The following LRRC4C variants were observed in gnomAD, a reference collection of about 807,000 sequenced individuals.
LRRC4C encodes leucine-rich repeat-containing protein 4C.
In LRRC4C, 5 loss-of-function variants were observed where a neutral mutation model predicts 33.6. That is an observed-to-expected ratio of 0.15 (90% CI 0.08 to 0.31). The LOEUF (loss-of-function observed/expected upper bound fraction) is 0.31. Among genes scored for constraint, LRRC4C ranks in the 10% least tolerant of loss-of-function variants. The pLI, the probability that LRRC4C is intolerant of heterozygous loss-of-function variation, is 1.00. For missense variants in LRRC4C, 560 were observed against 796.7 expected (o/e 0.70, Z 3.58); for synonymous variants, 329 against 302.0 (o/e 1.09, Z -0.93).
chr11:40,892,264 T>A (rs1252295235), intron 2 of LRRC4C, among the ~76,000 whole-genome samples: 5 of 152,114 alleles, frequency 3.3e-5, no homozygotes, highest in Non-Finnish European at 5.9e-5. Context: ...ATTGAAGAGA[T>A]TTCTGCATTC....
At chr11:40,569,625 A>C (rs1957901920) in intron 3 of LRRC4C, among the ~76,000 whole-genome samples, 1 of 152,138 alleles carries the variant, frequency 6.6e-6, no homozygotes, top group South Asian at 2.1e-4. Flanking sequence ...ATAAAATGCG[A>C]CTAGCACTGT....
intron 2 of LRRC4C, among the ~76,000 whole-genome samples, chr11:40,681,729 G>A (rs7127189): frequency 0.38 from 58,078 of 151,808 alleles, 13,453 homozygotes; most frequent in East Asian, 0.57. Context: ...GTGAAACCCC[G>A]TCTCTACAAA....
intron 3 of LRRC4C, among the ~76,000 whole-genome samples, chr11:40,555,995 C>T (rs1204528000): frequency 6.6e-6 from 1 of 151,792 alleles, no homozygotes; most frequent in Non-Finnish European, 1.5e-5. Flanking sequence ...CTCATTTTGA[C>T]CCAATAGAAA....
At chr11:40,977,687 C>A (rs192384328) in intron 1 of LRRC4C, among the ~76,000 whole-genome samples, 1 of 152,300 alleles carries the variant, frequency 6.6e-6, no homozygotes, top group Admixed American at 6.5e-5. Context: ...CTGTCCCCTA[C>A]TTCTGCTTTA....
intron 4 of LRRC4C, among the ~76,000 whole-genome samples, chr11:40,301,881 C>A (rs1944790063): frequency 6.6e-6 from 1 of 152,150 alleles, no homozygotes; most frequent in Admixed American, 6.5e-5. Context: ...AAAAATGACT[C>A]TCTAAGGGTT....
intron 1 of LRRC4C, among the ~76,000 whole-genome samples, chr11:41,016,814 T>C (rs1415538954): frequency 6.6e-6 from 1 of 152,194 alleles, no homozygotes; most frequent in Admixed American, 6.5e-5. Flanking sequence ...TTTTGTCCTC[T>C]GAATTGATTT....
intron 2 of LRRC4C, among the ~76,000 whole-genome samples, chr11:40,695,677 A>C (rs1301209159): frequency 2.6e-5 from 4 of 151,986 alleles, no homozygotes; most frequent in Non-Finnish European, 1.5e-5. Flanking sequence ...CTCTTCTAGC[A>C]CCTAGAGGCT....
In LRRC4C at chr11:40,638,458, A is replaced by G. The variant is rs561472376; in HGVS notation, c.-270+9684T>C. 1.8e-3 allele frequency among the ~76,000 whole-genome samples: 281 copies of G among 152,330 alleles called. 5 individuals carry two copies. Among genetic ancestry groups the G allele is most frequent in the African/African-American group, 6.6e-3 (273 of 41,580 alleles). On this transcript the variant is annotated intron_variant, in intron 3 of 6. Coordinates refer to ENST00000528697, the MANE Select transcript of LRRC4C (RefSeq NM_001258419.2). ...CCTTGTGCATAAGTCTCTCTTAGTC[A>G]TAATCTTATTTGCCTCATCTATAAA...
At chr11:40,831,894 TG>T (rs1349694174) in intron 2 of LRRC4C, among the ~76,000 whole-genome samples, 1 of 152,166 alleles carries the variant, frequency 6.6e-6, no homozygotes, top group Non-Finnish European at 1.5e-5. Flanking sequence ...TTATAAGGTC[TG>T]TAATTCAAGA....
At chr11:41,174,399 G>A (rs760571197) in intron 1 of LRRC4C, among the ~76,000 whole-genome samples, 3 of 152,000 alleles carry the variant, frequency 2.0e-5, no homozygotes, top group Non-Finnish European at 4.4e-5. Flanking sequence ...TAAAAATAAT[G>A]TATTATGAAG....
At chr11:40,399,908 A>G (rs1012513171) in intron 3 of LRRC4C, among the ~76,000 whole-genome samples, 3 of 152,124 alleles carry the variant, frequency 2.0e-5, no homozygotes, top group African/African-American at 7.2e-5. Context: ...CACTTCAAAT[A>G]CACAGTTAAC....
intron 1 of LRRC4C, among the ~76,000 whole-genome samples, chr11:41,176,847 C>T (rs1176356679): frequency 6.6e-6 from 1 of 152,006 alleles, no homozygotes; most frequent in African/African-American, 2.4e-5. Flanking sequence ...CACCTGTAGT[C>T]CTAGCTACTG....
chr11:40,334,817 C>T (rs1392195049), intron 3 of LRRC4C, among the ~76,000 whole-genome samples: 3 of 152,138 alleles, frequency 2.0e-5, no homozygotes, highest in Admixed American at 6.6e-5. Flanking sequence ...TCTTCCCTCA[C>T]TCCTGCGCTA....
chr11:41,336,240 TC>T (rs1420086090), intron 1 of LRRC4C, among the ~76,000 whole-genome samples: 20 of 151,920 alleles, frequency 1.3e-4, no homozygotes, highest in African/African-American at 4.6e-4. Context: ...TTATAGACTT[TC>T]CTTTTTTTTT....
At chr11:40,352,132 TTCCTTCCTTCC>T (rs1947430923) in intron 3 of LRRC4C, among the ~76,000 whole-genome samples, 1 of 108,102 alleles carries the variant, frequency 9.3e-6, no homozygotes, top group Non-Finnish European at 2.1e-5. Context: ...CCTTCCTTCC[TTCCTTCCTTCC>T]TTCCTTCCTT....
At chr11:41,451,165 A>C (rs1956008280) in intron 1 of LRRC4C, among the ~76,000 whole-genome samples, 1 of 152,144 alleles carries the variant, frequency 6.6e-6, no homozygotes, top group African/African-American at 2.4e-5. Flanking sequence ...ATTTTGAATA[A>C]ATGACACCAT....
intron 1 of LRRC4C, among the ~76,000 whole-genome samples, chr11:41,327,197 A>T (rs1412319154): frequency 6.6e-6 from 1 of 152,128 alleles, no homozygotes; most frequent in Non-Finnish European, 1.5e-5. Flanking sequence ...TGGTATCATA[A>T]TTATTATTTT....
At chr11:40,450,186 C>T (rs1420703490) in intron 3 of LRRC4C, among the ~76,000 whole-genome samples, 1 of 152,108 alleles carries the variant, frequency 6.6e-6, no homozygotes, top group Non-Finnish European at 1.5e-5. Flanking sequence ...TCCCGCATCT[C>T]CTCTTGTCAA....
At chr11:40,688,647 A>G (rs927172061) in intron 2 of LRRC4C, among the ~76,000 whole-genome samples, 3 of 152,068 alleles carry the variant, frequency 2.0e-5, no homozygotes, top group African/African-American at 7.2e-5. Context: ...AAATGCTCCT[A>G]CGTCAGTGGA....
Sources: allele counts gnomAD v4.1 joint callset (sites outside exome capture counted in the v4.1 genomes callset), GRCh38; gene constraint gnomAD v4.1.1; transcripts MANE v1.5; gene names NCBI Gene and HGNC (gene_info 2026-07-23, HGNC 2026-07-21).